The following MMP26 variants were observed in gnomAD, a reference collection of about 807,000 sequenced individuals.
The protein encoded by MMP26 is matrix metallopeptidase 26.
MMP26 carries 33 observed loss-of-function variants against 31.0 expected under a neutral mutation model. The ratio of observed to expected loss-of-function variants is 1.06; its 90% CI spans 0.81 to 1.42. MMP26 has a LOEUF of 1.42. Ranked by LOEUF, MMP26 falls within the 40% of genes most tolerant of loss-of-function variation. The probability of loss-of-function intolerance (pLI) is 0.00; values close to 1 mark genes in which losing one functional copy is unlikely to be tolerated. For synonymous variants in MMP26, 122 were observed against 114.9 expected, an observed-to-expected ratio of 1.06 and a Z score of -0.40; for missense variants, 347 against 316.1, an observed-to-expected ratio of 1.10 and a Z score of -0.74.
intron 2 of MMP26, among the ~76,000 whole-genome samples, chr11:4,797,506 A>C (rs1437673439): frequency 1.3e-5 from 2 of 152,170 alleles, no homozygotes; most frequent in East Asian, 3.9e-4. Flanking sequence ...TTCTGGTGGC[A>C]AGAGAACTCC....
At chr11:4,750,559 T>G (rs1312554021) in intron 1 of MMP26, among the ~76,000 whole-genome samples, 1 of 152,036 alleles carries the variant, frequency 6.6e-6, no homozygotes, top group African/African-American at 2.4e-5. Flanking sequence ...GAAAACGTGG[T>G]GAGTGTATAC....
At chr11:4,872,826 G>C (rs1425764835) in intron 2 of MMP26, among the ~76,000 whole-genome samples, 2 of 152,006 alleles carry the variant, frequency 1.3e-5, no homozygotes, top group Non-Finnish European at 2.9e-5. Flanking sequence ...TCCTATTGCT[G>C]TGAGGAAAGT....
intron 2 of MMP26, among the ~76,000 whole-genome samples, chr11:4,984,704 T>G (rs1026748332): frequency 6.6e-6 from 1 of 152,200 alleles, no homozygotes; most frequent in Admixed American, 6.5e-5. Flanking sequence ...GTTAGTAAAT[T>G]TGTCAATTGA....
chr11:4,875,409 A>T (rs939647067), intron 2 of MMP26: 25 of 152,236 alleles, frequency 1.6e-4, no homozygotes, highest in African/African-American at 5.8e-4. Context: ...TATTTTTAAC[A>T]GTTCTTTAGA....
chr11:4,794,146 C>A (rs1031216292), intron 2 of MMP26: 6 of 152,106 alleles, frequency 3.9e-5, no homozygotes, highest in Non-Finnish European at 5.9e-5. Flanking sequence ...TCTGCACATA[C>A]CAGATTCAGC....
At chr11:4,932,024 G>A (rs1160428958) in intron 2 of MMP26, among the ~76,000 whole-genome samples, 3 of 152,002 alleles carry the variant, frequency 2.0e-5, no homozygotes, top group Non-Finnish European at 1.5e-5. Context: ...AGAATGCAAA[G>A]TAACGATATT....
At position 4,892,449 on chromosome 11, in the gene MMP26, A is replaced by G. The variant is rs138789138; in HGVS notation, c.-144-95619A>G. Among the ~76,000 whole-genome samples the G allele has an allele frequency of 4.5e-4, 69 of 152,226 alleles. 1 individual carries two copies. The highest frequency in any genetic ancestry group is 1.6e-3 in the African/African-American group (66 of 41,548). ...ATTGCAACTCTGTTGCAGTACCTCA[A>G]TTGTCCTGTGATTTGCTATTTATGT... On this transcript the variant is annotated intron_variant, in intron 2 of 7. Transcript: ENST00000380390.
intron 1 of MMP26, among the ~76,000 whole-genome samples, chr11:4,743,107 A>G (rs1456316572): frequency 1.3e-5 from 2 of 152,146 alleles, no homozygotes; most frequent in East Asian, 3.8e-4. Flanking sequence ...AATAAAAAAT[A>G]AACTATAGTG....
intron 1 of MMP26, among the ~76,000 whole-genome samples, chr11:4,728,413 T>C (rs548506020): frequency 1.5e-4 from 23 of 152,254 alleles, no homozygotes; most frequent in Admixed American, 1.2e-3. Context: ...ATGGGACTTA[T>C]CCAGTGACTG....
At chr11:4,712,708 A>G (rs1248568223) in intron 1 of MMP26, among the ~76,000 whole-genome samples, 1 of 152,162 alleles carries the variant, frequency 6.6e-6, no homozygotes, top group East Asian at 1.9e-4. Flanking sequence ...ATAATCTTGT[A>G]TAGTATAGTT....
intron 1 of MMP26, among the ~76,000 whole-genome samples, chr11:4,746,869 A>ACC (rs1207641866): frequency 6.6e-6 from 1 of 151,418 alleles, no homozygotes; most frequent in East Asian, 1.9e-4. Flanking sequence ...ACACACACAC[A>ACC]CACACACAAA....
chr11:4,804,267 A>G (rs1278219892), intron 2 of MMP26: 3 of 1,613,892 alleles, frequency 1.9e-6, no homozygotes, highest in Non-Finnish European at 2.5e-6. Context: ...CAGCCACAGC[A>G]TACGTGGCAC....
intron 2 of MMP26, chr11:4,914,537 A>G (rs1851042663): frequency 9.3e-6 from 5 of 536,692 alleles, no homozygotes; most frequent in Admixed American, 6.5e-5. Flanking sequence ...ACATCATATT[A>G]CATTTTACCC....
At chr11:4,907,420 C>G (rs1279031061) in intron 2 of MMP26, 1 of 1,613,778 alleles carries the variant, frequency 6.2e-7, no homozygotes, top group African/African-American at 1.3e-5. Context: ...TGATTGGGAT[C>G]CCAGGACTGG....
rs74436750 is a variant in MMP26, at chr11:4,916,017, C to T, written c.-144-72051C>T. On this transcript the variant is annotated intron_variant, in intron 2 of 7. Transcript: ENST00000380390. The stretch of plus-strand genomic sequence containing the variant: ...GCCACTAGAGTTTTTACTAGTCTCA[C>T]CCAGTGGGATGCACCCAGGGGCCAG... Among the ~76,000 whole-genome samples the T allele has an allele frequency of 9.1e-3, 1,386 of 152,222 alleles. 25 individuals carry two copies. The highest frequency in any genetic ancestry group is 0.032 in the African/African-American group (1,324 of 41,540).
chr11:4,907,955 G>A, intron 2 of MMP26: 1 of 1,614,120 alleles, frequency 6.2e-7, no homozygotes, highest in Non-Finnish European at 8.5e-7. Context: ...CAAGACCAAT[G>A]TCATCTATGG....
At chr11:4,880,203 C>A (rs1413114028) in intron 2 of MMP26, among the ~76,000 whole-genome samples, 1 of 152,048 alleles carries the variant, frequency 6.6e-6, no homozygotes, top group Non-Finnish European at 1.5e-5. Context: ...GCCTATAAAG[C>A]CCTCGCTTTT....
At chr11:4,907,506 T>C in intron 2 of MMP26, 1 of 1,614,088 alleles carries the variant, frequency 6.2e-7, no homozygotes, top group Non-Finnish European at 8.5e-7. Flanking sequence ...TGCACCATTC[T>C]CTTTATTATA....
intron 2 of MMP26, among the ~76,000 whole-genome samples, chr11:4,984,049 A>T (rs1412489675): frequency 1.3e-5 from 2 of 152,098 alleles, no homozygotes; most frequent in Non-Finnish European, 2.9e-5. Flanking sequence ...CATGTATTTG[A>T]GTGCTGGGTC....
Sources: allele counts gnomAD v4.1 joint callset (sites outside exome capture counted in the v4.1 genomes callset), GRCh38; gene constraint gnomAD v4.1.1; transcripts MANE v1.5; gene names NCBI Gene and HGNC (gene_info 2026-07-23, HGNC 2026-07-21).